Variants in CRYL1 observed in about 807,000 individuals in gnomAD.
CRYL1 encodes crystallin lambda 1, also known as lambda-crystallin homolog.
A neutral mutation model predicts 36.6 loss-of-function variants in CRYL1; 29 were observed. The observed-to-expected ratio is 0.79, with a 90% confidence interval of 0.59 to 1.08. CRYL1 has a LOEUF of 1.08. Ranked by LOEUF, CRYL1 falls within the 50% of genes least tolerant of loss-of-function variation. CRYL1 has a pLI of 0.00. For missense variants in CRYL1, 411 were observed against 407.9 expected, an observed-to-expected ratio of 1.01 and a Z score of -0.06; for synonymous variants, 152 against 151.5, an observed-to-expected ratio of 1.00 and a Z score of -0.02.
At chr13:20,488,620 T>C (rs2033447297) in intron 3 of CRYL1, among the ~76,000 whole-genome samples, 1 of 152,228 alleles carries the variant, frequency 6.6e-6, no homozygotes, top group African/African-American at 2.4e-5. Flanking sequence ...CGACGTGAAA[T>C]GTGCAAATCT....
rs181850166 is a variant in CRYL1 at position 20,481,246 on chromosome 13, T to C, written c.276+8124A>G. Among the ~76,000 whole-genome samples the C allele has an allele frequency of 2.2e-4, 34 of 152,296 alleles. No homozygotes were observed. In the East Asian group the frequency reaches 5.6e-3, roughly 25 times the overall value. ...TCCAGAGTCCCACGCACCTTAGTAA[T>C]GTCATACCACTCAGCAACAAATTAC... On this transcript the variant is annotated intron_variant, in intron 3 of 7. Transcript: ENST00000298248. The surrounding 1 kb of genome is among the most constrained non-coding windows in gnomAD (Gnocchi z 4.1).
At chr13:20,439,947 C>G (rs1297170324) in intron 3 of CRYL1, 193 bp from the exon 4 acceptor site, 1 of 549,280 alleles carries the variant, frequency 1.8e-6, no homozygotes, top group Non-Finnish European at 3.2e-6. Flanking sequence ...CCCTTCTGCT[C>G]TCTCCTCCCC....
At chr13:20,429,392 A>C (rs1301136359) in intron 5 of CRYL1, among the ~76,000 whole-genome samples, 1 of 152,198 alleles carries the variant, frequency 6.6e-6, no homozygotes, top group Non-Finnish European at 1.5e-5. Context: ...CCTGTGTTCA[A>C]CTGTGGTTTG....
chr13:20,453,808 CGAAAGAGGG>C (rs1166803131), intron 3 of CRYL1, among the ~76,000 whole-genome samples: 1 of 151,782 alleles, frequency 6.6e-6, no homozygotes, highest in East Asian at 1.9e-4. Flanking sequence ...ATATGAAGAA[CGAAAGAGGG>C]GACATCACTG....
At chr13:20,512,833 G>C (rs2033939102) in intron 1 of CRYL1, among the ~76,000 whole-genome samples, 1 of 152,026 alleles carries the variant, frequency 6.6e-6, no homozygotes, top group Non-Finnish European at 1.5e-5. Flanking sequence ...TTGGTGAGTG[G>C]GTGCAAACAT....
chr13:20,419,015 G>C (rs2031738174), intron 5 of CRYL1: 2 of 152,116 alleles, frequency 1.3e-5, no homozygotes, highest in Non-Finnish European at 2.9e-5. Flanking sequence ...AGAAAGCACT[G>C]GGCTTGTGTG....
chr13:20,476,744 C>A, intron 3 of CRYL1: 1 of 152,412 alleles, frequency 6.6e-6, no homozygotes, highest in Non-Finnish European at 1.5e-5. Flanking sequence ...GCAGGCTCAG[C>A]AGGGCGAGGT....
chr13:20,446,254 G>C (rs2032453083), intron 3 of CRYL1, among the ~76,000 whole-genome samples: 2 of 152,170 alleles, frequency 1.3e-5, no homozygotes, highest in Non-Finnish European at 2.9e-5. Flanking sequence ...TAGGATTATA[G>C]GCCTGTGCCA....
intron 2 of CRYL1, among the ~76,000 whole-genome samples, chr13:20,494,967 T>G (rs1345940007): frequency 6.6e-6 from 1 of 152,194 alleles, no homozygotes; most frequent in Non-Finnish European, 1.5e-5. Flanking sequence ...AGGACCCTGC[T>G]GTGTGGTCCC....
At chr13:20,439,802 C>A (rs2032316480) in intron 3 of CRYL1, 48 bp from the exon 4 acceptor site, 2 of 1,544,456 alleles carry the variant, frequency 1.3e-6, no homozygotes, top group Non-Finnish European at 1.8e-6. Context: ...TCGACTCAGG[C>A]CCCAAGCAAA....
At chr13:20,476,933 G>A (rs1013464924) in intron 3 of CRYL1, 6 of 152,336 alleles carry the variant, frequency 3.9e-5, no homozygotes, top group South Asian at 2.1e-4. Context: ...AGGCCGAGGC[G>A]AGTGGATCAC....
chr13:20,432,254 G>A lies in CRYL1; in HGVS notation c.481C>T (p.His161Tyr), dbSNP rs200561765. 1.3e-5 allele frequency: 21 copies of A among 1,613,460 alleles called. No homozygotes were observed. Among genetic ancestry groups the A allele is most frequent in the Admixed American group, 3.3e-5 (2 of 59,920 alleles). The change falls in exon 5 of 8, where the codon CAC becomes TAC. Residue 161 changes from histidine (H) to tyrosine (Y), a missense_variant. Transcript: ENST00000298248. ...YYIPLVELVP[H>Y]PETAPTTVDR... Reference sequence around the variant, plus strand: ...ACTGTCGTAGGGGCCGTCTCCGGGTGGGGGACCAGCTCAACCAGCGGGATG... The same window carrying A: ...ACTGTCGTAGGGGCCGTCTCCGGGTAGGGGACCAGCTCAACCAGCGGGATG...
At chr13:20,441,755 C>T (rs1404895758) in intron 3 of CRYL1, among the ~76,000 whole-genome samples, 1 of 152,082 alleles carries the variant, frequency 6.6e-6, no homozygotes, top group Non-Finnish European at 1.5e-5. Flanking sequence ...TTGAAATCAG[C>T]TGTGTAAATA....
intron 2 of CRYL1, among the ~76,000 whole-genome samples, chr13:20,494,746 G>A (rs2872571): frequency 0.58 from 87,511 of 152,080 alleles, 26,312 homozygotes; most frequent in East Asian, 0.79. Flanking sequence ...GGACCACCCC[G>A]GAATGAGAAT....
chr13:20,416,975 G>A (rs934502919), intron 5 of CRYL1, among the ~76,000 whole-genome samples: 3 of 152,134 alleles, frequency 2.0e-5, no homozygotes, highest in African/African-American at 7.2e-5. Context: ...AGGGAAAAAC[G>A]TTTTGATACT....
At chr13:20,416,452 C>T (rs1270351527) in intron 5 of CRYL1, among the ~76,000 whole-genome samples, 1 of 152,214 alleles carries the variant, frequency 6.6e-6, no homozygotes, top group Non-Finnish European at 1.5e-5. Flanking sequence ...GGAAGGGTGG[C>T]TCCCTGCCCT....
At chr13:20,445,670 G>A (rs2032437221) in intron 3 of CRYL1, among the ~76,000 whole-genome samples, 1 of 152,020 alleles carries the variant, frequency 6.6e-6, no homozygotes, top group Admixed American at 6.5e-5. Flanking sequence ...AGACCCTTAG[G>A]GCATTCACAT....
chr13:20,440,258 T>C (rs1593446223), intron 3 of CRYL1, among the ~76,000 whole-genome samples: 1 of 152,352 alleles, frequency 6.6e-6, no homozygotes, highest in East Asian at 1.9e-4. Flanking sequence ...TGCTGTGTCA[T>C]GTAAAACTTA....
In CRYL1 at chr13:20,481,698, G is replaced by A. The variant is rs1390429482; in HGVS notation, c.276+7672C>T. ...GGCCGAAGCGGGCAGATCACCTGAGGTCAGGAGTTCAAGACCAGCCTGGCC... is the reference window on the plus strand; with the variant it reads ...GGCCGAAGCGGGCAGATCACCTGAGATCAGGAGTTCAAGACCAGCCTGGCC... On this transcript the variant is annotated intron_variant, in intron 3 of 7. Coordinates refer to ENST00000298248, the MANE Select transcript of CRYL1 (RefSeq NM_015974.3). The surrounding 1 kb of genome is among the most constrained non-coding windows in gnomAD (Gnocchi z 4.1). Among the ~76,000 whole-genome samples the A allele has an allele frequency of 6.6e-6, 1 of 152,074 alleles. No individual in the cohort carries two copies. The highest frequency in any genetic ancestry group is 1.5e-5 in the Non-Finnish European group (1 of 68,022).
Sources: allele counts gnomAD v4.1 joint callset (sites outside exome capture counted in the v4.1 genomes callset), GRCh38; gene constraint gnomAD v4.1.1; non-coding constraint Gnocchi (gnomAD v3.1); transcripts MANE v1.5; gene names NCBI Gene and HGNC (gene_info 2026-07-23, HGNC 2026-07-21).